The following LARP1B variants were observed in gnomAD, a reference collection of about 807,000 sequenced individuals.
The protein encoded by LARP1B is la-related protein 1B.
A neutral mutation model predicts 114.2 loss-of-function variants in LARP1B; 76 were observed. The ratio of observed to expected loss-of-function variants is 0.67; its 90% confidence interval spans 0.55 to 0.81. The LOEUF (loss-of-function observed/expected upper bound fraction) is 0.81, where lower values mean the gene tolerates loss of function less well. LARP1B is among the 30% of genes least tolerant of loss of function. The probability of loss-of-function intolerance (pLI) is 0.00; values close to 1 mark genes in which losing one functional copy is unlikely to be tolerated. For missense variants in LARP1B, 1,014 were observed against 1,075.8 expected (o/e 0.94, Z 0.80); for synonymous variants, 345 against 348.0 (o/e 0.99, Z 0.10).
chr4:128,151,530 T>C (rs933399386), intron 11 of LARP1B, among the ~76,000 whole-genome samples: 2 of 152,184 alleles, frequency 1.3e-5, no homozygotes, highest in African/African-American at 4.8e-5. Context: ...ATTGATGTTT[T>C]TCAAGAGTTC....
chr4:128,150,467 C>CT (rs367959796), intron 11 of LARP1B, among the ~76,000 whole-genome samples: 76 of 151,912 alleles, frequency 5.0e-4, no homozygotes, highest in African/African-American at 1.7e-3. Context: ...TAATTTTTTA[C>CT]TTTTTTGTGG....
intron 7 of LARP1B, among the ~76,000 whole-genome samples, chr4:128,093,659 A>G (rs1342720735): frequency 6.6e-6 from 1 of 151,994 alleles, no homozygotes; most frequent in Non-Finnish European, 1.5e-5. Context: ...AATGTATCGT[A>G]CAGTATGAGG....
chr4:128,160,402 A>G (rs897041105), intron 11 of LARP1B, among the ~76,000 whole-genome samples: 51 of 152,288 alleles, frequency 3.3e-4, no homozygotes, highest in African/African-American at 1.2e-3. Context: ...GGAGATCCTG[A>G]CCAGAAGGGA....
intron 8 of LARP1B, among the ~76,000 whole-genome samples, chr4:128,099,282 T>C (rs1580349486): frequency 6.6e-6 from 1 of 150,530 alleles, no homozygotes; most frequent in Admixed American, 6.7e-5. Context: ...CTTTTTCTTT[T>C]TTTCTTTCTT....
chr4:128,220,451 G>T, intron 7 of LARP1B: 1 of 539,458 alleles, frequency 1.9e-6, no homozygotes, highest in Non-Finnish European at 2.4e-6. Flanking sequence ...GTGAGTATGT[G>T]TGTGTTTTTG....
chr4:128,167,130 A>G (rs1395308167), intron 12 of LARP1B, among the ~76,000 whole-genome samples: 1 of 151,496 alleles, frequency 6.6e-6, no homozygotes, highest in African/African-American at 2.4e-5. Flanking sequence ...TTGTTCCCAT[A>G]TCTTATATCT....
At chr4:128,123,679 A>G in intron 11 of LARP1B, 2 of 877,074 alleles carry the variant, frequency 2.3e-6, no homozygotes, top group African/African-American at 1.8e-5. Flanking sequence ...TTGTGGGTAA[A>G]TAAATTATGG....
chr4:128,199,857 A>T (rs569839840), intron 16 of LARP1B, among the ~76,000 whole-genome samples: 1 of 152,206 alleles, frequency 6.6e-6, no homozygotes, highest in Non-Finnish European at 1.5e-5. Flanking sequence ...AGGCCGAGGC[A>T]TGCAGATCAC....
intron 7 of LARP1B, among the ~76,000 whole-genome samples, chr4:128,093,214 A>C (rs1237356555): frequency 6.6e-6 from 1 of 152,136 alleles, no homozygotes; most frequent in Non-Finnish European, 1.5e-5. Flanking sequence ...GCTTTGAAGG[A>C]GTCGTGCTTT....
intron 12 of LARP1B, among the ~76,000 whole-genome samples, chr4:128,164,583 A>G (rs995812174): frequency 4.6e-5 from 7 of 152,196 alleles, no homozygotes; most frequent in African/African-American, 1.4e-4. Flanking sequence ...TGGCCAATAA[A>G]TATGAAAAGA....
At chr4:128,146,173 A>G (rs1161236419) in intron 11 of LARP1B, among the ~76,000 whole-genome samples, 4 of 152,204 alleles carry the variant, frequency 2.6e-5, no homozygotes, top group African/African-American at 9.7e-5. Flanking sequence ...TTGTAGAGAA[A>G]CTTTTGAATG....
intron 5 of LARP1B, among the ~76,000 whole-genome samples, chr4:128,088,526 G>A (rs1332481365): frequency 3.3e-5 from 5 of 151,956 alleles, no homozygotes; most frequent in African/African-American, 1.2e-4. Flanking sequence ...TGGGTATTTG[G>A]ATTGTTTCCA....
At chr4:128,181,274 C>T (rs954698680) in intron 15 of LARP1B, among the ~76,000 whole-genome samples, 7 of 151,478 alleles carry the variant, frequency 4.6e-5, no homozygotes, top group Non-Finnish European at 5.9e-5. Context: ...ACTTCCGGCT[C>T]CCAGGTTCAG....
At position 128,206,502 on chromosome 4, in the gene LARP1B, A is replaced by G; in HGVS notation, c.2384A>G (p.Asp795Gly). 3 of 1,613,312 alleles carry G rather than the reference A, an allele frequency of 1.9e-6. No homozygotes were observed. The highest frequency in any genetic ancestry group is 2.5e-6 in the Non-Finnish European group (3 of 1,179,794). ...EKKFRREIFQ[D>G]FQEETKKDYE... ...AAATTCAGGCGAGAAATTTTTCAGG[A>G]TTTCCAAGAAGAAACCAAAAAAGAC... Residue 795 changes from aspartate to glycine, a missense_variant, in exon 18 of 20, where the codon GAT becomes GGT. Coordinates refer to ENST00000326639, the MANE Select transcript of LARP1B (RefSeq NM_018078.4).
At chr4:128,093,098 T>A in intron 7 of LARP1B, 1 of 953,244 alleles carries the variant, frequency 1.0e-6, no homozygotes, top group Non-Finnish European at 1.2e-6. Context: ...CATGCCTCTT[T>A]TTTTGTTGTT....
rs1440795685 is a variant in LARP1B at position 128,091,443 on chromosome 4, A to T, written c.599A>T (p.Asp200Val). ...AATACCAGTATGATGTATTACTATG[A>T]TGATGGTACAGGTGTACAGGTGTAT... Reference protein sequence around the residue: ...ELNTSMMYYYDDGTGVQVYPV... With the variant: ...ELNTSMMYYYVDGTGVQVYPV... Residue 200 changes from aspartate (D) to valine (V), a missense_variant, in exon 7 of 20, where the codon GAT (aspartate) becomes GTT (valine). By Grantham distance (152) the Asp-to-Val change is radical. Transcript: ENST00000326639. The T allele has an allele frequency of 5.0e-6, 8 of 1,612,260 alleles. No homozygotes were observed. Among genetic ancestry groups the T allele is most frequent in the Non-Finnish European group, 6.8e-6 (8 of 1,178,506 alleles).
chr4:128,197,466 C>T (rs540224934), intron 15 of LARP1B, among the ~76,000 whole-genome samples: 33 of 152,076 alleles, frequency 2.2e-4, no homozygotes, highest in African/African-American at 2.9e-4. Flanking sequence ...GAGGCCGAGG[C>T]GGGCAGATCA....
At chr4:128,183,231 G>C (rs1749176035) in intron 15 of LARP1B, among the ~76,000 whole-genome samples, 2 of 152,200 alleles carry the variant, frequency 1.3e-5, no homozygotes, top group South Asian at 4.1e-4. Flanking sequence ...TCTATTGGGA[G>C]AAGAAGCCAT....
intron 1 of LARP1B, among the ~76,000 whole-genome samples, chr4:128,063,850 G>A (rs1178821594): frequency 6.6e-6 from 1 of 152,104 alleles, no homozygotes; most frequent in Non-Finnish European, 1.5e-5. Context: ...CTTTTTATAT[G>A]CAAATGACAG....
Sources: allele counts gnomAD v4.1 joint callset (sites outside exome capture counted in the v4.1 genomes callset), GRCh38; gene constraint gnomAD v4.1.1; transcripts MANE v1.5; gene names NCBI Gene and HGNC (gene_info 2026-07-23, HGNC 2026-07-21).